GRIN2B: variants seen among roughly 807,000 people sequenced by gnomAD.
GRIN2B encodes the protein glutamate receptor ionotropic, NMDA 2B.
Under a neutral mutation model 114.5 loss-of-function variants are expected in GRIN2B, and 5 were observed. That is an observed-to-expected ratio of 0.04 (90% CI 0.02 to 0.09). The LOEUF (loss-of-function observed/expected upper bound fraction) is 0.09, where lower values mean the gene tolerates loss of function less well. Ranked by LOEUF, GRIN2B falls within the 10% of genes least tolerant of loss-of-function variation. The pLI is 1.00. For synonymous variants in GRIN2B, 787 were observed against 745.1 expected, an observed-to-expected ratio of 1.06 and a Z score of -0.92; for missense variants, 1,108 against 1,943.5, an observed-to-expected ratio of 0.57 and a Z score of 8.08.
chr12:13,851,783 T>C (rs970804511), intron 3 of GRIN2B, among the ~76,000 whole-genome samples: 2 of 152,324 alleles, frequency 1.3e-5, no homozygotes, highest in South Asian at 2.1e-4. Flanking sequence ...CAATATTTGC[T>C]TTGATATAAG....
At chr12:13,578,119 C>T (rs979680936) in intron 10 of GRIN2B, among the ~76,000 whole-genome samples, 1 of 152,052 alleles carries the variant, frequency 6.6e-6, no homozygotes, top group African/African-American at 2.4e-5. Flanking sequence ...AAGGTATCTC[C>T]ATGTTGTAAA....
Position 13,561,845 on chromosome 12 carries a change from T to C in GRIN2B, c.*938A>G, listed in dbSNP as rs1389609376. On this transcript the variant is annotated 3_prime_UTR_variant, in exon 14 of 14. Transcript: ENST00000609686. ...TTTTTGTTTAGACCACAGAATCTTC[T>C]TTATCAAGAATTTTCATTCTCCTTA... 1 of 152,664 alleles carries C rather than the reference T, an allele frequency of 6.6e-6. No individual in the cohort carries two copies. Among genetic ancestry groups the C allele is most frequent in the East Asian group, 1.9e-4 (1 of 5,198 alleles). 9.5% of individuals were successfully genotyped at this position (152,664 alleles called of 1,614,324 possible). A position where few individuals can be genotyped will look rare whatever the true frequency, so the allele number is the denominator to read the frequency against.
At chr12:13,664,343 T>C (rs1349799147) in intron 5 of GRIN2B, among the ~76,000 whole-genome samples, 2 of 152,172 alleles carry the variant, frequency 1.3e-5, no homozygotes, top group African/African-American at 2.4e-5. Flanking sequence ...CACTTTGCCC[T>C]GTGGAAATGT....
rs1008161930 is a variant in GRIN2B, at chr12:13,843,726, G to A, written c.411+22072C>T. On this transcript the variant is annotated intron_variant, in intron 3 of 13. Coordinates refer to ENST00000609686, the MANE Select transcript of GRIN2B (RefSeq NM_000834.5). Reference sequence around the variant, plus strand: ...AAAGAGGCATTTTTAAAAATATTAGGAACACGTTGCAAATCTATCAAGATC... The same window carrying A: ...AAAGAGGCATTTTTAAAAATATTAGAAACACGTTGCAAATCTATCAAGATC... 2.0e-5 allele frequency among the ~76,000 whole-genome samples: 3 copies of A among 152,112 alleles called. No homozygotes were observed. In the South Asian group the frequency reaches 6.2e-4, roughly 32 times the overall value.
At chr12:13,843,568 G>A (rs1415549722) in intron 3 of GRIN2B, among the ~76,000 whole-genome samples, 1 of 152,126 alleles carries the variant, frequency 6.6e-6, no homozygotes, top group African/African-American at 2.4e-5. Flanking sequence ...GCGTAGGTAA[G>A]CTACTAGAAG....
At chr12:13,895,460 CTGG>C (rs1375043932) in intron 2 of GRIN2B, among the ~76,000 whole-genome samples, 1 of 152,080 alleles carries the variant, frequency 6.6e-6, no homozygotes, top group Non-Finnish European at 1.5e-5. Flanking sequence ...TGTGACTGTC[CTGG>C]TGGTCACTAA....
Position 13,564,500 on chromosome 12 carries a change from C to G in GRIN2B, c.2738G>C (p.Gly913Ala). 1 of 1,614,258 alleles carries G rather than the reference C, an allele frequency of 6.2e-7. No individual in the cohort carries two copies. Among genetic ancestry groups the G allele is most frequent in the South Asian group, 1.1e-5 (1 of 91,086 alleles). The change falls in exon 14 of 14, where the codon GGT becomes GCT. Residue 913 changes from glycine to alanine, a missense_variant. Around this residue, in one of 19 missense-constraint regions of GRIN2B, gnomAD observed 140 missense variants for 187.5 expected, o/e 0.75. Transcript: ENST00000609686. This position sits in a 1 kb window ranked among gnomAD's most constrained non-coding sequence, Gnocchi z 4.8. ...GGCGCTCTGCGGTGAGCCATTCACA[C>G]CAGACAGGTTAGCCATGTTCTTGGC... ...RTAKNMANLSGVNGSPQSALD... is the reference protein window; with the variant it reads ...RTAKNMANLSAVNGSPQSALD...
At chr12:13,885,467 T>G (rs1659463767) in intron 2 of GRIN2B, among the ~76,000 whole-genome samples, 4 of 152,126 alleles carry the variant, frequency 2.6e-5, no homozygotes. Flanking sequence ...GAACCTTTTC[T>G]CCCCGTTAAT....
chr12:13,868,425 G>A (rs1427279409), intron 2 of GRIN2B, among the ~76,000 whole-genome samples: 1 of 151,648 alleles, frequency 6.6e-6, no homozygotes, highest in African/African-American at 2.4e-5. Flanking sequence ...GACAGAAGGA[G>A]TTTGACACCA....
intron 5 of GRIN2B, among the ~76,000 whole-genome samples, chr12:13,622,780 A>G (rs1949530839): frequency 6.6e-6 from 1 of 152,084 alleles, no homozygotes; most frequent in South Asian, 2.1e-4. Flanking sequence ...TTTATAACAA[A>G]TTCACTCTCT....
chr12:13,551,400 A>G lies in GRIN2B; in HGVS notation c.*11383T>C, dbSNP rs1948411601. 6.6e-6 allele frequency: 1 copy of G among 152,164 alleles called. No homozygotes were observed. Among genetic ancestry groups the G allele is most frequent in the Non-Finnish European group, 1.5e-5 (1 of 68,038 alleles). 9.4% of individuals were successfully genotyped at this position (152,164 alleles called of 1,614,324 possible). On this transcript the variant is annotated 3_prime_UTR_variant, in exon 14 of 14. Coordinates refer to ENST00000609686, the MANE Select transcript of GRIN2B (RefSeq NM_000834.5). ...CATCAACAGGACCTTAGAAGGCCACATGGATTCCATAGGGTAAAATGGGAA... is the reference window on the plus strand; with the variant it reads ...CATCAACAGGACCTTAGAAGGCCACGTGGATTCCATAGGGTAAAATGGGAA...
intron 9 of GRIN2B, among the ~76,000 whole-genome samples, chr12:13,610,948 T>A (rs929235355): frequency 6.6e-6 from 1 of 152,172 alleles, no homozygotes; most frequent in African/African-American, 2.4e-5. Context: ...AGAGCTCACA[T>A]TCTGGAATGG....
At chr12:13,613,245 G>A (rs946620145) in intron 8 of GRIN2B, among the ~76,000 whole-genome samples, 1 of 152,164 alleles carries the variant, frequency 6.6e-6, no homozygotes, top group Non-Finnish European at 1.5e-5. Context: ...GGGAATAACT[G>A]AGTAAAAGCA....
chr12:13,832,931 T>G (rs1304178206), intron 3 of GRIN2B, among the ~76,000 whole-genome samples: 1 of 152,118 alleles, frequency 6.6e-6, no homozygotes, highest in African/African-American at 2.4e-5. Flanking sequence ...TTCCCTGCAC[T>G]CACATCAACA....
intron 3 of GRIN2B, among the ~76,000 whole-genome samples, chr12:13,777,231 C>T (rs1408283964): frequency 6.6e-6 from 1 of 152,120 alleles, no homozygotes. Context: ...AAAAATGGGG[C>T]CAGGAATGGG....
rs1305229243 is a variant in GRIN2B, at chr12:13,817,297, A to G, written c.411+48501T>C. ...GCAGTGGTCCAGAATCTGCCTCCAC[A>G]GCATGTACTCTAGCTGGGCTGGAGC... On this transcript the variant is annotated intron_variant, in intron 3 of 13. Coordinates refer to ENST00000609686, the MANE Select transcript of GRIN2B (RefSeq NM_000834.5). Among the ~76,000 whole-genome samples the G allele has an allele frequency of 2.0e-5, 3 of 151,906 alleles. No individual in the cohort carries two copies. In the East Asian group the frequency reaches 5.8e-4, roughly 29 times the overall value.
At chr12:13,763,372 C>T (rs1319441938) in intron 3 of GRIN2B, among the ~76,000 whole-genome samples, 1 of 152,130 alleles carries the variant, frequency 6.6e-6, no homozygotes, top group Non-Finnish European at 1.5e-5. Context: ...TTTCGTGTGC[C>T]TCCCACGTAC....
At chr12:13,939,543 CTTTTT>C (rs59671145) in intron 2 of GRIN2B, among the ~76,000 whole-genome samples, 2 of 88,044 alleles carry the variant, frequency 2.3e-5, no homozygotes, top group Admixed American at 3.3e-4. Context: ...CTGCACCGTG[CTTTTT>C]TTTTTTTTTT....
intron 3 of GRIN2B, among the ~76,000 whole-genome samples, chr12:13,794,270 C>T (rs571999898): frequency 3.3e-5 from 5 of 150,180 alleles, no homozygotes; most frequent in Non-Finnish European, 7.4e-5. Context: ...AAAAAGAAAG[C>T]ATAAGAAAAG....
Sources: allele counts gnomAD v4.1 joint callset (sites outside exome capture counted in the v4.1 genomes callset), GRCh38; gene constraint gnomAD v4.1.1; regional missense constraint gnomAD v4.1.1; non-coding constraint Gnocchi (gnomAD v3.1); transcripts MANE v1.5; gene names NCBI Gene and HGNC (gene_info 2026-07-23, HGNC 2026-07-21).